Variants in METAP1D observed in about 807,000 individuals in gnomAD.
The protein encoded by METAP1D is methionine aminopeptidase 1D, mitochondrial.
Under a neutral mutation model 40.5 loss-of-function variants are expected in METAP1D, and 31 were observed. The observed-to-expected ratio is 0.77, with a 90% CI of 0.58 to 1.03. METAP1D has a LOEUF of 1.03. Among genes scored for constraint, METAP1D ranks in the 50% least tolerant of loss-of-function variants. METAP1D has a pLI of 0.00. For synonymous variants in METAP1D, 151 were observed against 146.4 expected (o/e 1.03, Z -0.22); for missense variants, 411 against 420.7 (o/e 0.98, Z 0.20).
chr2:172,024,788 G>GTGTGTGTGTA (rs1689090189), intron 1 of METAP1D, among the ~76,000 whole-genome samples: 1 of 150,094 alleles, frequency 6.7e-6, no homozygotes, highest in African/African-American at 2.4e-5. Context: ...GTGTGTGTGT[G>GTGTGTGTGTA]TTTTAATCTT....
intron 6 of METAP1D, among the ~76,000 whole-genome samples, chr2:172,077,399 CT>C (rs1321298401): frequency 1.2e-4 from 19 of 152,308 alleles, no homozygotes; most frequent in Non-Finnish European, 1.8e-4. Context: ...AATTTATAGT[CT>C]TTTTGTGAAA....
intron 1 of METAP1D, among the ~76,000 whole-genome samples, chr2:172,006,228 G>C (rs1339701315): frequency 6.6e-6 from 1 of 150,596 alleles, no homozygotes; most frequent in African/African-American, 2.4e-5. Flanking sequence ...CTGTCACCCA[G>C]GCTGGAGTGC....
rs891873624 is a variant in METAP1D at position 172,044,438 on chromosome 2, C to T, written c.41-17060C>T. On this transcript the variant is annotated intron_variant, in intron 1 of 9. Transcript: ENST00000315796. ...AAAAAAAAAAAAAACCCAAAACAAA[C>T]AAAAAACCTAGCTGGGCGTGGTGGC... 1.5e-4 allele frequency among the ~76,000 whole-genome samples: 15 copies of T among 101,292 alleles called. 3 individuals are homozygous for T. Among genetic ancestry groups the T allele is most frequent in the Non-Finnish European group, 2.8e-4 (12 of 43,128 alleles). 66.5% of individuals were successfully genotyped at this position (101,292 alleles called of 152,430 possible).
At chr2:172,045,078 T>C (rs1264135012) in intron 1 of METAP1D, among the ~76,000 whole-genome samples, 2 of 134,014 alleles carry the variant, frequency 1.5e-5, no homozygotes, top group African/African-American at 5.1e-5. Flanking sequence ...CATTAAACTG[T>C]TGGTAAAGGT....
Position 172,080,118 on chromosome 2 carries a change from C to T in METAP1D, c.851-10C>T. The stretch of plus-strand genomic sequence containing the variant: ...TGAGGTCACTGCAGTAAATATTTTT[C>T]CTCTTACAGAGCCAATCATCACGGA... On this transcript the variant is annotated splice_polypyrimidine_tract_variant and intron_variant, in intron 8 of 9. Coordinates refer to ENST00000315796, the MANE Select transcript of METAP1D (RefSeq NM_199227.3). 3.7e-6 allele frequency: 6 copies of T among 1,609,708 alleles called. No individual in the cohort carries two copies. The highest frequency in any genetic ancestry group is 3.4e-6 in the Non-Finnish European group (4 of 1,177,034).
rs570003582 is a variant in METAP1D, at chr2:172,048,717, T to C, written c.41-12781T>C. ...TTGTAACACTCCAGTAGAAGCATAC[T>C]TCAAAAAGTGTCCCATCCCCTCAGA... On this transcript the variant is annotated intron_variant, in intron 1 of 9. Coordinates refer to ENST00000315796, the MANE Select transcript of METAP1D (RefSeq NM_199227.3). Among the ~76,000 whole-genome samples the C allele has an allele frequency of 2.0e-5, 3 of 152,320 alleles. No individual in the cohort carries two copies. The South Asian group carries it at 6.2e-4, about 32-fold the overall frequency.
intron 1 of METAP1D, among the ~76,000 whole-genome samples, chr2:172,016,332 A>AT (rs1558995296): frequency 1.1e-5 from 1 of 88,020 alleles, no homozygotes; most frequent in Non-Finnish European, 2.5e-5. Flanking sequence ...TATATATATA[A>AT]ATAGTCCAGG....
intron 1 of METAP1D, among the ~76,000 whole-genome samples, chr2:172,003,810 G>A (rs1044718947): frequency 1.3e-5 from 2 of 151,882 alleles, no homozygotes; most frequent in African/African-American, 4.8e-5. Flanking sequence ...TGTAGCACAG[G>A]GTGAAGTGCA....
chr2:172,080,293 C>A (rs369274713), intron 9 of METAP1D, 35 bp from the exon 10 acceptor site: 19 of 1,613,922 alleles, frequency 1.2e-5, no homozygotes, highest in Non-Finnish European at 1.4e-5. Context: ...CCGGAGCTTG[C>A]GTGCGCGTTC....
intron 1 of METAP1D, among the ~76,000 whole-genome samples, chr2:172,014,012 G>A (rs760421334): frequency 1.3e-4 from 19 of 151,616 alleles, no homozygotes; most frequent in Non-Finnish European, 2.1e-4. Flanking sequence ...TAGTAGAGAC[G>A]GGGTTTCACC....
Position 172,043,015 on chromosome 2 carries a change from GTA to G in METAP1D, c.41-18482_41-18481del, listed in dbSNP as rs1689646701. Reference sequence around the variant, plus strand: ...CGTGTGTACACATATATGTGTATGTGTACACATATATGTGTATATGTGTACAC... The same window carrying G: ...CGTGTGTACACATATATGTGTATGTGCACATATATGTGTATATGTGTACAC... On this transcript the variant is annotated intron_variant, in intron 1 of 9. Transcript: ENST00000315796. Among the ~76,000 whole-genome samples, 8 of 78,554 alleles carry G rather than the reference GTA, an allele frequency of 1.0e-4. 2 individuals carry two copies. The South Asian group carries it at 1.5e-3, about 14-fold the overall frequency. 51.5% of individuals were successfully genotyped at this position (78,554 alleles called of 152,430 possible).
intron 1 of METAP1D, among the ~76,000 whole-genome samples, chr2:172,061,074 A>G (rs1690128680): frequency 6.6e-6 from 1 of 152,218 alleles, no homozygotes; most frequent in Non-Finnish European, 1.5e-5. Context: ...TGGAGGGCAA[A>G]AAGTGCAGCT....
intron 1 of METAP1D, among the ~76,000 whole-genome samples, chr2:172,040,698 G>C (rs1689498831): frequency 6.6e-6 from 1 of 150,986 alleles, no homozygotes; most frequent in African/African-American, 2.4e-5. Flanking sequence ...AAGACTAGGG[G>C]AAATATCGTA....
chr2:172,078,703 T>A (rs1433310950), intron 7 of METAP1D, among the ~76,000 whole-genome samples: 1 of 152,074 alleles, frequency 6.6e-6, no homozygotes, highest in Non-Finnish European at 1.5e-5. Flanking sequence ...GAGGTTCAGG[T>A]GAGAGTGCAG....
Position 172,077,805 on chromosome 2 carries a change from C to A in METAP1D, c.713C>A (p.Thr238Asn). The change falls in exon 7 of 10, where the codon ACT becomes AAT. Residue 238 changes from threonine to asparagine, a missense_variant. Thr to Asn is a moderately conservative substitution (Grantham distance 65, BLOSUM62 0). Transcript: ENST00000315796. ...TTTGGTCACTTTTAAAGCCACATAA[C>A]TCATCAGAATGGTTTTCAAGTCTGT... ...SVIGNTISHI[T>N]HQNGFQVCPH... 1 of 1,595,252 alleles carries A rather than the reference C, an allele frequency of 6.3e-7. No individual in the cohort carries two copies. The highest frequency in any genetic ancestry group is 8.6e-7 in the Non-Finnish European group (1 of 1,166,088).
intron 1 of METAP1D, among the ~76,000 whole-genome samples, chr2:172,015,784 A>G (rs1042843129): frequency 6.6e-6 from 1 of 152,018 alleles, no homozygotes; most frequent in Non-Finnish European, 1.5e-5. Context: ...ACATAGTGAG[A>G]CCCCCATCTT....
At chr2:172,065,825 A>G (rs923445884) in intron 4 of METAP1D, 73 bp downstream of exon 4, 2 of 1,459,504 alleles carry the variant, frequency 1.4e-6, no homozygotes, top group Non-Finnish European at 1.9e-6. Context: ...ACATATGTTG[A>G]AAGACACTAT....
chr2:172,033,376 C>T (rs1460536704), intron 1 of METAP1D, among the ~76,000 whole-genome samples: 2 of 148,290 alleles, frequency 1.3e-5, no homozygotes, highest in Non-Finnish European at 3.0e-5. Context: ...TTTTTTGAGA[C>T]GGAATCTCAC....
rs1319814557 is a variant in METAP1D, at chr2:172,043,830, C to T, written c.41-17668C>T. 3.7e-5 allele frequency among the ~76,000 whole-genome samples: 5 copies of T among 135,424 alleles called. 1 individual carries two copies. The highest frequency in any genetic ancestry group is 1.5e-4 in the Admixed American group (2 of 13,766). The allele number at this position is 135,424 out of a possible 152,430, so 88.8% of individuals were successfully genotyped here. ...TTAGAGTCAACTGGACATGGTGGCT[C>T]ACGCCTGTAATTCCAGCACTGTGGG... On this transcript the variant is annotated intron_variant, in intron 1 of 9. Transcript: ENST00000315796.
Sources: gnomAD v4.1 joint callset for allele counts (sites outside exome capture counted in the v4.1 genomes callset) on GRCh38, gnomAD v4.1.1 for gene constraint, MANE v1.5 for transcripts, NCBI Gene and HGNC (gene_info 2026-07-23, HGNC 2026-07-21) for gene names.